WNT7B: variants seen among roughly 807,000 people sequenced by gnomAD.
WNT7B encodes protein Wnt-7b.
Under a neutral mutation model 38.2 loss-of-function variants are expected in WNT7B, and 19 were observed. The ratio of observed to expected loss-of-function variants is 0.50; its 90% CI spans 0.35 to 0.73. The LOEUF is 0.73. Ranked by LOEUF, WNT7B falls within the 30% of genes least tolerant of loss-of-function variation. The probability of loss-of-function intolerance (pLI) is 0.01; values close to 1 mark genes in which losing one functional copy is unlikely to be tolerated. For synonymous variants in WNT7B, 243 were observed against 209.3 expected (o/e 1.16, Z -1.39); for missense variants, 423 against 507.9 (o/e 0.83, Z 1.61).
Position 45,950,011 on chromosome 22 carries a change from G to A in WNT7B, c.207C>T (p.Gly69=). Residue 69 remains glycine, a synonymous_variant, in exon 2 of 4, where the codon GGC becomes GGT. Transcript: ENST00000339464. Reference sequence around the variant, plus strand: ...GGAACTGGTACTGGCACTCGTTGATGCCCATCTGCGCCCCCTCCCCAATCA... The same window carrying A: ...GGAACTGGTACTGGCACTCGTTGATACCCATCTGCGCCCCCTCCCCAATCA... ...IIVIGEGAQM[G]INECQYQFRF... 1.9e-6 allele frequency: 3 copies of A among 1,613,994 alleles called. No individual in the cohort carries two copies. The highest frequency in any genetic ancestry group is 2.5e-6 in the Non-Finnish European group (3 of 1,180,042).
intron 2 of WNT7B, among the ~76,000 whole-genome samples, chr22:45,942,879 G>C (rs145759870): frequency 0.025 from 3,800 of 150,484 alleles, 79 homozygotes; most frequent in Middle Eastern, 0.055. Context: ...GTGCGTGTGT[G>C]CATGTATGTG....
intron 1 of WNT7B, among the ~76,000 whole-genome samples, chr22:45,955,892 G>T (rs1044482411): frequency 6.6e-6 from 1 of 152,222 alleles, no homozygotes; most frequent in African/African-American, 2.4e-5. Flanking sequence ...GCTTCCTGAG[G>T]TGCATCCTGG....
chr22:45,949,953 C>G lies in WNT7B; in HGVS notation c.265G>C (p.Glu89Gln), dbSNP rs376001184. ...AGCTCTTGCCCGAAGACGGTCTTCT[C>G]GCCGAGGGCAGAGCAGTTCCAGCGT... ...FGRWNCSALG[E>Q]KTVFGQELRV... The change falls in exon 2 of 4, where the codon GAG becomes CAG. Residue 89 changes from glutamate (E) to glutamine (Q), a missense_variant. Around this residue, in one of 3 missense-constraint regions of WNT7B, gnomAD observed 133 missense variants for 179.8 expected, o/e 0.74. Coordinates refer to ENST00000339464, the MANE Select transcript of WNT7B (RefSeq NM_058238.3). The G allele has an allele frequency of 6.2e-7, 1 of 1,611,634 alleles. No homozygotes were observed.
rs778561333 is a variant in WNT7B at position 45,931,408 on chromosome 22, C to T, written c.299-39G>A. On this transcript the variant is annotated intron_variant, in intron 2 of 3. Coordinates refer to ENST00000339464, the MANE Select transcript of WNT7B (RefSeq NM_058238.3). ...CAGGTGCAGAAGGTGAGACCCCAGGCCCTGGGCCAGGTGGGCTCAGGGGAC... is the reference window on the plus strand; with the variant it reads ...CAGGTGCAGAAGGTGAGACCCCAGGTCCTGGGCCAGGTGGGCTCAGGGGAC... The T allele has an allele frequency of 7.8e-6, 12 of 1,539,836 alleles. No individual in the cohort carries two copies. The South Asian group carries it at 1.2e-4, about 16-fold the overall frequency.
At chr22:45,950,545 A>T (rs1931908014) in intron 1 of WNT7B, among the ~76,000 whole-genome samples, 1 of 152,346 alleles carries the variant, frequency 6.6e-6, no homozygotes, top group Admixed American at 6.5e-5. Flanking sequence ...GGCAGACCCC[A>T]ACTCCCCGAC....
intron 1 of WNT7B, among the ~76,000 whole-genome samples, chr22:45,955,275 AG>A (rs972530605): frequency 4.6e-5 from 7 of 152,192 alleles, no homozygotes; most frequent in Admixed American, 3.9e-4. Flanking sequence ...CATGGAGGCG[AG>A]GGGGCTGGGG....
At chr22:45,940,242 C>T (rs1032756255) in intron 2 of WNT7B, among the ~76,000 whole-genome samples, 1 of 152,090 alleles carries the variant, frequency 6.6e-6, no homozygotes, top group African/African-American at 2.4e-5. Flanking sequence ...TGAACTAAGA[C>T]CCCCCACTTC....
intron 1 of WNT7B, chr22:45,972,277 G>A (rs1932463522): frequency 3.4e-6 from 2 of 594,418 alleles, no homozygotes; most frequent in Non-Finnish European, 6.1e-6. Flanking sequence ...CAGGCTCCGC[G>A]GGCCGGGCGC....
chr22:45,932,298 C>T (rs1384429455), intron 2 of WNT7B, among the ~76,000 whole-genome samples: 2 of 152,214 alleles, frequency 1.3e-5, no homozygotes, highest in Non-Finnish European at 2.9e-5. Context: ...AGGCGCTGCT[C>T]ACATCCCCTG....
intron 2 of WNT7B, among the ~76,000 whole-genome samples, chr22:45,935,590 C>A (rs1207477808): frequency 1.3e-5 from 2 of 152,200 alleles, no homozygotes; most frequent in African/African-American, 4.8e-5. Context: ...GGCACACCCT[C>A]CCCTGGGCTC....
intron 2 of WNT7B, among the ~76,000 whole-genome samples, chr22:45,949,603 C>T (rs757001194): frequency 6.6e-6 from 1 of 152,242 alleles, no homozygotes; most frequent in East Asian, 1.9e-4. Flanking sequence ...AACCACTGCA[C>T]GGCACCGCTA....
intron 1 of WNT7B, chr22:45,954,753 G>C (rs1367060301): frequency 1.4e-5 from 14 of 985,300 alleles, no homozygotes; most frequent in Non-Finnish European, 1.7e-5. Flanking sequence ...CTTACTAAGT[G>C]GGGGTGTTTG....
intron 1 of WNT7B, among the ~76,000 whole-genome samples, chr22:45,961,232 T>C (rs114911539): frequency 1.1e-3 from 161 of 152,254 alleles, no homozygotes; most frequent in African/African-American, 3.8e-3. Context: ...AGGGCCCAGC[T>C]CCGTGGGGTG....
intron 2 of WNT7B, among the ~76,000 whole-genome samples, chr22:45,944,010 G>A (rs550212106): frequency 1.3e-5 from 2 of 152,276 alleles, no homozygotes; most frequent in Admixed American, 6.5e-5. Context: ...ATTCTGAGGA[G>A]AAACCCCAAA....
intron 1 of WNT7B, among the ~76,000 whole-genome samples, chr22:45,973,187 C>T (rs966293428): frequency 6.6e-6 from 1 of 152,242 alleles, no homozygotes; most frequent in African/African-American, 2.4e-5. Context: ...GAGCGGTTGG[C>T]GGGGATGGGT....
At chr22:45,942,659 G>A (rs753646268) in intron 2 of WNT7B, among the ~76,000 whole-genome samples, 2 of 150,344 alleles carry the variant, frequency 1.3e-5, no homozygotes, top group African/African-American at 5.0e-5. Context: ...CTAATTCTGC[G>A]GCTTACACGA....
intron 3 of WNT7B, chr22:45,927,555 C>T (rs1369486163): frequency 7.1e-7 from 1 of 1,416,164 alleles, no homozygotes; most frequent in African/African-American, 1.4e-5. Flanking sequence ...GGAGGTCACC[C>T]TGGGTTGTCC....
Position 45,975,404 on chromosome 22 carries a change from G to A in WNT7B, c.71+1280C>T. The A allele has an allele frequency of 1.6e-6, 1 of 607,874 alleles. No individual in the cohort carries two copies. Among genetic ancestry groups the A allele is most frequent in the South Asian group, 1.9e-5 (1 of 52,496 alleles). 37.7% of individuals were successfully genotyped at this position (607,874 alleles called of 1,614,324 possible). ...CACCCAGGGACACAGCCTACCCACAGACCTATGATAAACGGGGCTACCGGC... is the reference window on the plus strand; with the variant it reads ...CACCCAGGGACACAGCCTACCCACAAACCTATGATAAACGGGGCTACCGGC... On this transcript the variant is annotated intron_variant, in intron 1 of 3. Coordinates refer to ENST00000339464, the MANE Select transcript of WNT7B (RefSeq NM_058238.3). The surrounding 1 kb of genome is among the most constrained non-coding windows in gnomAD (Gnocchi z 6.6).
chr22:45,962,840 T>C (rs1021049181), intron 1 of WNT7B, among the ~76,000 whole-genome samples: 3 of 152,190 alleles, frequency 2.0e-5, no homozygotes, highest in African/African-American at 7.2e-5. Flanking sequence ...GATGCCAACC[T>C]GAAACCTCAG....
Sources: gnomAD v4.1 joint callset for allele counts (sites outside exome capture counted in the v4.1 genomes callset) on GRCh38, gnomAD v4.1.1 for gene constraint, gnomAD v4.1.1 regional missense constraint, Gnocchi (gnomAD v3.1) non-coding constraint, MANE v1.5 for transcripts, NCBI Gene and HGNC (gene_info 2026-07-23, HGNC 2026-07-21) for gene names.